Variants in FAT3 observed in about 807,000 individuals in gnomAD.
The protein encoded by FAT3 is protocadherin Fat 3.
A neutral mutation model predicts 310.2 loss-of-function variants in FAT3; 95 were observed. That is an observed-to-expected ratio of 0.31 (90% confidence interval 0.26 to 0.36). The LOEUF (loss-of-function observed/expected upper bound fraction) is 0.36. FAT3 is among the 10% of genes least tolerant of loss of function. The probability of loss-of-function intolerance (pLI) is 1.00; values close to 1 mark genes in which losing one functional copy is unlikely to be tolerated. For missense variants in FAT3, 5,408 were observed against 5,715.6 expected, an observed-to-expected ratio of 0.95 and a Z score of 1.74; for synonymous variants, 2,314 against 2,192.9, an observed-to-expected ratio of 1.06 and a Z score of -1.54.
At chr11:92,255,034 T>C (rs1282204841) in intron 1 of FAT3, among the ~76,000 whole-genome samples, 2 of 152,132 alleles carry the variant, frequency 1.3e-5, no homozygotes, top group African/African-American at 4.8e-5. Context: ...ACATCAGCAA[T>C]TGGATCAACA....
intron 3 of FAT3, among the ~76,000 whole-genome samples, chr11:92,542,612 G>C (rs967879673): frequency 2.6e-5 from 4 of 151,910 alleles, no homozygotes; most frequent in Admixed American, 6.6e-5. Context: ...CTTATCATCA[G>C]AGAAATGCAA....
At chr11:92,712,464 A>G (rs914372889) in intron 4 of FAT3, among the ~76,000 whole-genome samples, 2 of 152,172 alleles carry the variant, frequency 1.3e-5, no homozygotes, top group African/African-American at 4.8e-5. Flanking sequence ...GTAAAGAAAT[A>G]TATAATTCAT....
intron 2 of FAT3, among the ~76,000 whole-genome samples, chr11:92,474,353 A>G (rs1175746276): frequency 6.6e-6 from 1 of 152,234 alleles, no homozygotes; most frequent in Non-Finnish European, 1.5e-5. Flanking sequence ...AAAAGAGTAC[A>G]TATGAAATAC....
At chr11:92,488,324 A>G (rs2135224362) in intron 2 of FAT3, among the ~76,000 whole-genome samples, 1 of 152,180 alleles carries the variant, frequency 6.6e-6, no homozygotes, top group East Asian at 1.9e-4. Flanking sequence ...TAGAACCCTG[A>G]GGAGAGGACT....
chr11:92,303,466 A>G (rs1405682363), intron 1 of FAT3, among the ~76,000 whole-genome samples: 1 of 152,116 alleles, frequency 6.6e-6, no homozygotes, highest in Admixed American at 6.6e-5. Context: ...CTGACTCTTA[A>G]AAGTACAACC....
intron 7 of FAT3, among the ~76,000 whole-genome samples, chr11:92,776,336 A>G (rs1440689655): frequency 6.6e-6 from 1 of 152,248 alleles, no homozygotes; most frequent in African/African-American, 2.4e-5. Context: ...AAACTGATTC[A>G]TGTTAAAAAC....
chr11:92,506,054 C>T (rs763957527), intron 2 of FAT3, among the ~76,000 whole-genome samples: 6 of 152,114 alleles, frequency 3.9e-5, no homozygotes, highest in Admixed American at 6.6e-5. Flanking sequence ...CAGAGCATGC[C>T]TAAGATTTTG....
chr11:92,539,283 G>T (rs1427959348), intron 3 of FAT3, among the ~76,000 whole-genome samples: 1 of 152,032 alleles, frequency 6.6e-6, no homozygotes, highest in Non-Finnish European at 1.5e-5. Context: ...TATTTTTATT[G>T]CCCAATGAAA....
chr11:92,367,622 C>T (rs1446144962), intron 2 of FAT3, among the ~76,000 whole-genome samples: 4 of 151,920 alleles, frequency 2.6e-5, no homozygotes, highest in African/African-American at 9.7e-5. Context: ...CAGAGTGAGA[C>T]CTTGCCTCCA....
chr11:92,405,807 T>C (rs1298513050), intron 2 of FAT3, among the ~76,000 whole-genome samples: 1 of 152,034 alleles, frequency 6.6e-6, no homozygotes, highest in East Asian at 1.9e-4. Context: ...TTTAGAAAAA[T>C]ATGTATTTGG....
At chr11:92,641,600 T>G (rs1941966519) in intron 3 of FAT3, among the ~76,000 whole-genome samples, 1 of 152,166 alleles carries the variant, frequency 6.6e-6, no homozygotes, top group Admixed American at 6.5e-5. Context: ...ATGTTCCATA[T>G]CCCCCTCTGC....
At position 92,799,600 on chromosome 11, in the gene FAT3, A is replaced by G. The variant is rs1227413873; in HGVS notation, c.6587A>G (p.Asn2196Ser). The G allele has an allele frequency of 1.9e-6, 3 of 1,613,704 alleles. No homozygotes were observed. Among genetic ancestry groups the G allele is most frequent in the Non-Finnish European group, 2.5e-6 (3 of 1,179,832 alleles). The change falls in exon 10 of 28, where the codon AAT becomes AGT. Residue 2196 changes from asparagine to serine, a missense_variant. By Grantham distance (46) the Asn-to-Ser change is conservative. Transcript: ENST00000525166. ...FDKPFYTASV[N>S]EDIRMNTPIL... is the part of the protein sequence containing the mutation. Reference sequence around the variant, plus strand: ...AAGCCCTTTTATACAGCATCTGTCAATGAAGACATCAGAATGAACACACCC... The same window carrying G: ...AAGCCCTTTTATACAGCATCTGTCAGTGAAGACATCAGAATGAACACACCC...
intron 1 of FAT3, among the ~76,000 whole-genome samples, chr11:92,236,988 G>A (rs1415773208): frequency 2.6e-5 from 4 of 151,522 alleles, no homozygotes; most frequent in South Asian, 2.1e-4. Flanking sequence ...TGTAAATCCC[G>A]TTTTTTCCCT....
chr11:92,826,284 T>C (rs954671279), intron 13 of FAT3, among the ~76,000 whole-genome samples: 2 of 152,238 alleles, frequency 1.3e-5, no homozygotes, highest in African/African-American at 4.8e-5. Context: ...CAAAGGATAA[T>C]TCTTACAGTT....
intron 17 of FAT3, among the ~76,000 whole-genome samples, chr11:92,839,807 C>G (rs902770827): frequency 6.6e-6 from 1 of 152,172 alleles, no homozygotes; most frequent in African/African-American, 2.4e-5. Context: ...TTGCCGTTTT[C>G]AACGTGAGGA....
At chr11:92,602,125 G>C (rs1940057365) in intron 3 of FAT3, among the ~76,000 whole-genome samples, 1 of 151,748 alleles carries the variant, frequency 6.6e-6, no homozygotes, top group Non-Finnish European at 1.5e-5. Flanking sequence ...CCAGGCCAGA[G>C]TGCAATGGCG....
intron 1 of FAT3, among the ~76,000 whole-genome samples, chr11:92,338,087 C>T (rs1022873978): frequency 1.3e-5 from 2 of 152,160 alleles, no homozygotes; most frequent in African/African-American, 2.4e-5. Flanking sequence ...AACAAATTTT[C>T]CCTGACTCTT....
intron 2 of FAT3, among the ~76,000 whole-genome samples, chr11:92,412,499 G>A: frequency 6.9e-6 from 1 of 144,886 alleles, no homozygotes; most frequent in Admixed American, 7.2e-5. Context: ...GAAGATTGGA[G>A]ATTGTTCACA....
chr11:92,442,081 T>TTTTA (rs1355599282), intron 2 of FAT3, among the ~76,000 whole-genome samples: 2 of 69,992 alleles, frequency 2.9e-5, no homozygotes, highest in African/African-American at 8.2e-5. Flanking sequence ...AATATATATT[T>TTTTA]TATATATATA....
Sources: allele counts gnomAD v4.1 joint callset (sites outside exome capture counted in the v4.1 genomes callset), GRCh38; gene constraint gnomAD v4.1.1; transcripts MANE v1.5; gene names NCBI Gene and HGNC (gene_info 2026-07-23, HGNC 2026-07-21).